Variants in BPIFC observed in about 807,000 individuals in gnomAD.
BPIFC encodes the protein BPI fold-containing family C protein.
In BPIFC, 60 loss-of-function variants were observed where a neutral mutation model predicts 57.6. That is an observed-to-expected ratio of 1.04 (90% CI 0.85 to 1.29). The LOEUF (loss-of-function observed/expected upper bound fraction) is 1.29. BPIFC is among the 50% of genes most tolerant of loss of function. BPIFC has a pLI of 0.00. For synonymous variants in BPIFC, 243 were observed against 224.5 expected (o/e 1.08, Z -0.74); for missense variants, 581 against 600.5 (o/e 0.97, Z 0.34).
At chr22:32,436,394 A>AAAT (rs1556041027) in intron 9 of BPIFC, among the ~76,000 whole-genome samples, 2 of 138,378 alleles carry the variant, frequency 1.4e-5, no homozygotes, top group Non-Finnish European at 3.1e-5. Context: ...AGGAGGAGGA[A>AAAT]GAGGAGGAGG....
intron 1 of BPIFC, among the ~76,000 whole-genome samples, chr22:32,462,168 C>CAAAAAAAAAAAAAAAAAAAAAAAAA (rs35716277): frequency 2.1e-4 from 11 of 53,606 alleles, no homozygotes; most frequent in African/African-American, 4.9e-4. Context: ...GACTCCATCT[C>CAAAAAAAAAAAAAAAAAAAAAAAAA]AAAAAAAAAA....
intron 1 of BPIFC, among the ~76,000 whole-genome samples, chr22:32,461,881 G>A (rs1935167076): frequency 6.6e-6 from 1 of 152,090 alleles, no homozygotes; most frequent in Non-Finnish European, 1.5e-5. Flanking sequence ...TGTTTTAAAA[G>A]AGCAAAAATA....
At chr22:32,440,721 C>T (rs989929238) in intron 8 of BPIFC, among the ~76,000 whole-genome samples, 3 of 152,144 alleles carry the variant, frequency 2.0e-5, no homozygotes, top group African/African-American at 4.8e-5. Flanking sequence ...TCACTCTTCT[C>T]CTGACCTACA....
Position 32,424,634 on chromosome 22 carries a change from T to TTC in BPIFC, c.1218-5232_1218-5231dup, listed in dbSNP as rs1569447899. ...CCTCCTCCTCCTCCTCCTCCTCTTCTTCTTCTTCTCTTCTTCTTCTTCTTC... is the reference window on the plus strand; with the variant it reads ...CCTCCTCCTCCTCCTCCTCCTCTTCTTCTCTTCTTCTCTTCTTCTTCTTCTTC... On this transcript the variant is annotated intron_variant, in intron 13 of 16. Coordinates refer to ENST00000300399, the MANE Select transcript of BPIFC (RefSeq NM_174932.3). Among the ~76,000 whole-genome samples the TTC allele has an allele frequency of 4.5e-4, 25 of 55,560 alleles. 1 individual carries two copies. Among genetic ancestry groups the TTC allele is most frequent in the African/African-American group, 2.2e-3 (15 of 6,804 alleles). The allele number at this position is 55,560 out of a possible 152,430, so 36.4% of individuals were successfully genotyped here. A position where few individuals can be genotyped will look rare whatever the true frequency, so the allele number is the denominator to read the frequency against.
At position 32,424,602 on chromosome 22, in the gene BPIFC, TCCTCCTCCTCCTCC is replaced by T. The variant is rs1933952638; in HGVS notation, c.1218-5212_1218-5199del. Among the ~76,000 whole-genome samples the T allele has an allele frequency of 8.8e-4, 58 of 65,716 alleles. 12 individuals carry two copies. Among genetic ancestry groups the T allele is most frequent in the Middle Eastern group, 0.013 (2 of 158 alleles). 43.1% of individuals were successfully genotyped at this position (65,716 alleles called of 152,430 possible). A position where few individuals can be genotyped will look rare whatever the true frequency, so the allele number is the denominator to read the frequency against. Reference sequence around the variant, plus strand: ...CTTCTTCTTCTTCTTCTTCTTCTTCTCCTCCTCCTCCTCCTCCTCCTCCTCCTCTTCTTCTTCTT... The same window carrying T: ...CTTCTTCTTCTTCTTCTTCTTCTTCTTCCTCCTCCTCCTCTTCTTCTTCTT... On this transcript the variant is annotated intron_variant, in intron 13 of 16. Transcript: ENST00000300399.
chr22:32,459,294 C>T (rs1935109044), intron 2 of BPIFC, among the ~76,000 whole-genome samples: 1 of 152,000 alleles, frequency 6.6e-6, no homozygotes, highest in African/African-American at 2.4e-5. Flanking sequence ...TTTGGGAGGC[C>T]AAGGCAGGAG....
intron 4 of BPIFC, among the ~76,000 whole-genome samples, chr22:32,452,873 C>G (rs1038652488): frequency 5.3e-5 from 8 of 152,256 alleles, no homozygotes; most frequent in African/African-American, 1.9e-4. Flanking sequence ...CTATCCTCTC[C>G]TTATACTGCC....
intron 4 of BPIFC, among the ~76,000 whole-genome samples, chr22:32,451,642 C>T (rs1289562225): frequency 2.0e-5 from 3 of 152,036 alleles, no homozygotes; most frequent in Non-Finnish European, 4.4e-5. Flanking sequence ...CACATGTATA[C>T]ATATGTAACA....
intron 1 of BPIFC, among the ~76,000 whole-genome samples, chr22:32,462,177 A>G (rs1935177090): frequency 6.8e-6 from 1 of 146,796 alleles, no homozygotes; most frequent in Admixed American, 6.6e-5. Context: ...TCAAAAAAAA[A>G]AAAAAAAAAA....
Position 32,445,731 on chromosome 22 carries a change from A to AAAAAAAAAAT in BPIFC, c.531-34_531-33insATTTTTTTTT, listed in dbSNP as rs1568954978. 1.2e-5 allele frequency: 18 copies of AAAAAAAAAAT among 1,532,450 alleles called. No homozygotes were observed. The South Asian group carries it at 1.2e-4, about 11-fold the overall frequency. 94.9% of individuals were successfully genotyped at this position (1,532,450 alleles called of 1,614,324 possible). On this transcript the variant is annotated intron_variant, in intron 6 of 16. Coordinates refer to ENST00000300399, the MANE Select transcript of BPIFC (RefSeq NM_174932.3). ...AAAAAATGAAAAAAAAAAAAAAAAA[A>AAAAAAAAAAT]AAAAGAGGTTACTCAGAGACCATAA... is the stretch of plus-strand genomic sequence containing the variant.
chr22:32,432,910 A>T (rs1934289345), intron 11 of BPIFC, among the ~76,000 whole-genome samples: 1 of 152,176 alleles, frequency 6.6e-6, no homozygotes, highest in African/African-American at 2.4e-5. Context: ...TGGGATTCAA[A>T]TCTAGGTCTG....
At chr22:32,447,423 G>A in intron 4 of BPIFC, 83 bp from the exon 5 acceptor site, 1 of 1,498,304 alleles carries the variant, frequency 6.7e-7, no homozygotes, top group South Asian at 1.3e-5. Flanking sequence ...CAGTTGCAGA[G>A]CTCTTACCAT....
chr22:32,447,107 T>C lies in BPIFC; in HGVS notation c.374+105A>G, dbSNP rs373904032. On this transcript the variant is annotated intron_variant, in intron 5 of 16. Transcript: ENST00000300399. ...TGCTTTTGAGAAAGATTGTTAATAATGAGGGAAAGAAGCCTATTGCCAAAA... is the reference window on the plus strand; with the variant it reads ...TGCTTTTGAGAAAGATTGTTAATAACGAGGGAAAGAAGCCTATTGCCAAAA... 4,210 of 1,367,326 alleles carry C rather than the reference T, an allele frequency of 3.1e-3. 26 individuals carry two copies. The highest frequency in any genetic ancestry group is 0.015 in the South Asian group (823 of 53,234). The allele number at this position is 1,367,326 out of a possible 1,614,324, so 84.7% of individuals were successfully genotyped here.
At chr22:32,415,209 G>A (rs924122333) in intron 16 of BPIFC, among the ~76,000 whole-genome samples, 1 of 152,182 alleles carries the variant, frequency 6.6e-6, no homozygotes, top group Non-Finnish European at 1.5e-5. Flanking sequence ...CTGGTAGGAG[G>A]TGGAGCTCAG....
intron 8 of BPIFC, among the ~76,000 whole-genome samples, chr22:32,439,266 G>C (rs5749438): frequency 6.6e-6 from 1 of 151,952 alleles, no homozygotes; most frequent in South Asian, 2.1e-4. Flanking sequence ...CGCAGGTTGC[G>C]GTGAGCCAAG....
intron 8 of BPIFC, 116 bp from the exon 9 acceptor site, chr22:32,437,967 T>C (rs1219364825): frequency 2.3e-5 from 14 of 596,228 alleles, no homozygotes; most frequent in African/African-American, 3.8e-5. Context: ...AAAGATCAAT[T>C]CCTGCTTTTC....
chr22:32,447,934 A>C (rs750178459), intron 4 of BPIFC, among the ~76,000 whole-genome samples: 1 of 151,956 alleles, frequency 6.6e-6, no homozygotes, highest in Non-Finnish European at 1.5e-5. Context: ...AAATAATCAA[A>C]CAATCTACTT....
At position 32,445,713 on chromosome 22, in the gene BPIFC, G is replaced by GAAAAAA. The variant is rs61507713; in HGVS notation, c.531-21_531-16dup. On this transcript the variant is annotated splice_polypyrimidine_tract_variant and intron_variant, in intron 6 of 16. Coordinates refer to ENST00000300399, the MANE Select transcript of BPIFC (RefSeq NM_174932.3). ...TATACAGAACACTGAGGAAAAAAAT[G>GAAAAAA]AAAAAAAAAAAAAAAAAAAAAAGAG... is the stretch of plus-strand genomic sequence containing the variant. The GAAAAAA allele has an allele frequency of 3.0e-3, 2,162 of 709,512 alleles. 50 individuals carry two copies. The highest frequency in any genetic ancestry group is 0.011 in the South Asian group (433 of 40,524). The allele number at this position is 709,512 out of a possible 1,614,324, so 44.0% of individuals were successfully genotyped here.
chr22:32,442,768 C>G (rs776121133), intron 7 of BPIFC, 37 bp from the exon 8 acceptor site: 1 of 1,589,858 alleles, frequency 6.3e-7, no homozygotes, highest in East Asian at 2.2e-5. Context: ...AAGCAAGTTA[C>G]CATGTTGTAC....
Sources: allele counts gnomAD v4.1 joint callset (sites outside exome capture counted in the v4.1 genomes callset), GRCh38; gene constraint gnomAD v4.1.1; transcripts MANE v1.5; gene names NCBI Gene and HGNC (gene_info 2026-07-23, HGNC 2026-07-21).